The following CNTN5 variants were observed in gnomAD, a reference collection of about 807,000 sequenced individuals.
The protein encoded by CNTN5 is contactin 5.
A neutral mutation model predicts 129.1 loss-of-function variants in CNTN5; 77 were observed. That is an observed-to-expected ratio of 0.60 (90% CI 0.50 to 0.72). The LOEUF (loss-of-function observed/expected upper bound fraction) is 0.72, where lower values mean the gene tolerates loss of function less well. CNTN5 is among the 30% of genes least tolerant of loss of function. The pLI, the probability that CNTN5 is intolerant of heterozygous loss-of-function variation, is 0.00. For synonymous variants in CNTN5, 509 were observed against 465.6 expected (o/e 1.09, Z -1.20); for missense variants, 1,478 against 1,328.8 (o/e 1.11, Z -1.75).
At chr11:99,638,711 TCTC>T (rs1951657540) in intron 3 of CNTN5, among the ~76,000 whole-genome samples, 1 of 152,128 alleles carries the variant, frequency 6.6e-6, no homozygotes, top group South Asian at 2.1e-4. Context: ...TCCAAAATGA[TCTC>T]CTTTGACTCC....
chr11:100,046,356 C>T (rs918198281), intron 9 of CNTN5, among the ~76,000 whole-genome samples: 1 of 152,190 alleles, frequency 6.6e-6, no homozygotes, highest in African/African-American at 2.4e-5. Context: ...CCAATCCCAT[C>T]TGCCTGTATT....
intron 1 of CNTN5, among the ~76,000 whole-genome samples, chr11:99,121,557 C>T (rs561287173): frequency 6.6e-6 from 1 of 151,788 alleles, no homozygotes; most frequent in East Asian, 1.9e-4. Flanking sequence ...CCTCCCAGGG[C>T]AGTAAAGTTT....
At chr11:99,250,394 G>T (rs1862037140) in intron 1 of CNTN5, among the ~76,000 whole-genome samples, 1 of 151,898 alleles carries the variant, frequency 6.6e-6, no homozygotes, top group Admixed American at 6.6e-5. Context: ...ATACATGAAG[G>T]ATATTAAATC....
intron 16 of CNTN5, 150 bp from the exon 17 acceptor site, chr11:100,255,610 C>A: frequency 1.6e-6 from 1 of 620,426 alleles, no homozygotes; most frequent in Non-Finnish European, 2.6e-6. Context: ...CAACTTGCAT[C>A]CATGACTTTT....
Position 99,429,694 on chromosome 11 carries a change from C to T in CNTN5, c.-71+104210C>T, listed in dbSNP as rs1253574220. Among the ~76,000 whole-genome samples, 4 of 152,068 alleles carry T rather than the reference C, an allele frequency of 2.6e-5. No homozygotes were observed. The East Asian group carries it at 5.8e-4, about 22-fold the overall frequency. ...TTTAACTGGACCTCTGAGCACGGGG[C>T]AGAGTCTACACTTAATCCTGGTTCT... On this transcript the variant is annotated intron_variant, in intron 2 of 24. Transcript: ENST00000524871.
At chr11:100,140,541 T>C (rs1324476846) in intron 13 of CNTN5, among the ~76,000 whole-genome samples, 1 of 152,044 alleles carries the variant, frequency 6.6e-6, no homozygotes, top group Non-Finnish European at 1.5e-5. Context: ...AGGATGGAGT[T>C]GAAGTTCAAG....
intron 1 of CNTN5, among the ~76,000 whole-genome samples, chr11:99,063,068 G>T (rs1169517541): frequency 6.6e-6 from 1 of 152,130 alleles, no homozygotes; most frequent in Admixed American, 6.6e-5. Context: ...CCAAGTAAAG[G>T]TATTATTGAA....
chr11:100,207,550 T>G (rs1948943052), intron 15 of CNTN5, among the ~76,000 whole-genome samples: 1 of 152,100 alleles, frequency 6.6e-6, no homozygotes, highest in South Asian at 2.1e-4. Context: ...AATACTGCAT[T>G]TTATCCTTTC....
At chr11:100,092,265 A>G (rs974673406) in intron 13 of CNTN5, among the ~76,000 whole-genome samples, 10 of 152,168 alleles carry the variant, frequency 6.6e-5, no homozygotes, top group Admixed American at 2.6e-4. Context: ...TTTTAGAACT[A>G]TCACTAAATT....
intron 1 of CNTN5, among the ~76,000 whole-genome samples, chr11:99,132,932 G>T (rs957867455): frequency 6.6e-6 from 1 of 151,980 alleles, no homozygotes; most frequent in Non-Finnish European, 1.5e-5. Context: ...AACCAAAAAA[G>T]AGCTCATAAA....
chr11:99,867,580 C>A (rs1214675635), intron 6 of CNTN5, among the ~76,000 whole-genome samples: 5 of 152,086 alleles, frequency 3.3e-5, no homozygotes, highest in Non-Finnish European at 7.4e-5. Context: ...TCTTTTTCTT[C>A]CATCTTAAAA....
intron 3 of CNTN5, among the ~76,000 whole-genome samples, chr11:99,801,930 C>T (rs939587887): frequency 5.3e-5 from 8 of 152,164 alleles, no homozygotes; most frequent in Non-Finnish European, 1.0e-4. Context: ...CATGTGAATG[C>T]CCCCAAAGCA....
At chr11:99,768,337 A>T (rs967838354) in intron 3 of CNTN5, among the ~76,000 whole-genome samples, 7 of 152,110 alleles carry the variant, frequency 4.6e-5, no homozygotes, top group Non-Finnish European at 7.4e-5. Flanking sequence ...ATACTTCAGC[A>T]TGTATCTCCT....
At chr11:99,898,222 A>G (rs1011587810) in intron 6 of CNTN5, among the ~76,000 whole-genome samples, 1 of 152,102 alleles carries the variant, frequency 6.6e-6, no homozygotes, top group Non-Finnish European at 1.5e-5. Flanking sequence ...ACTAGAGCAG[A>G]ACTAAATGAG....
intron 2 of CNTN5, among the ~76,000 whole-genome samples, chr11:99,461,959 A>G (rs1944716284): frequency 6.6e-6 from 1 of 152,292 alleles, no homozygotes; most frequent in East Asian, 1.9e-4. Context: ...TAAAACTTCA[A>G]AGCATGTTCT....
At chr11:99,479,407 C>T (rs1238351544) in intron 2 of CNTN5, among the ~76,000 whole-genome samples, 1 of 151,882 alleles carries the variant, frequency 6.6e-6, no homozygotes, top group Non-Finnish European at 1.5e-5. Context: ...AACCCTTTGA[C>T]TGGTTTTACT....
chr11:99,133,767 G>A (rs1345772033), intron 1 of CNTN5, among the ~76,000 whole-genome samples: 1 of 152,156 alleles, frequency 6.6e-6, no homozygotes, highest in African/African-American at 2.4e-5. Context: ...ACAGATGCTG[G>A]TGAGGTCGTG....
At chr11:99,356,643 T>C (rs1305822831) in intron 2 of CNTN5, among the ~76,000 whole-genome samples, 3 of 152,224 alleles carry the variant, frequency 2.0e-5, no homozygotes, top group Admixed American at 6.5e-5. Flanking sequence ...TATTTACCTT[T>C]AATAACAATT....
chr11:100,081,033 GC>G (rs1199297686), intron 13 of CNTN5, among the ~76,000 whole-genome samples: 3 of 152,044 alleles, frequency 2.0e-5, no homozygotes, highest in African/African-American at 7.2e-5. Context: ...GAAGGAAATG[GC>G]CTTACATTCA....
Sources: gnomAD v4.1 joint callset for allele counts (sites outside exome capture counted in the v4.1 genomes callset) on GRCh38, gnomAD v4.1.1 for gene constraint, MANE v1.5 for transcripts, NCBI Gene and HGNC (gene_info 2026-07-23, HGNC 2026-07-21) for gene names.